BCAR3: variants seen among roughly 807,000 people sequenced by gnomAD.
BCAR3 encodes BCAR3 adaptor protein, NSP family member.
BCAR3 carries 37 observed loss-of-function variants against 80.1 expected under a neutral mutation model. The ratio of observed to expected loss-of-function variants is 0.46; its 90% CI spans 0.36 to 0.61. The LOEUF (loss-of-function observed/expected upper bound fraction) is 0.61, where lower values mean the gene tolerates loss of function less well. Ranked by LOEUF, BCAR3 falls within the 20% of genes least tolerant of loss-of-function variation. The pLI is 0.00. For missense variants in BCAR3, 978 were observed against 1,068.2 expected, an observed-to-expected ratio of 0.92 and a Z score of 1.18; for synonymous variants, 389 against 418.9, an observed-to-expected ratio of 0.93 and a Z score of 0.87.
In BCAR3 at chr1:93,576,082, C is replaced by A; in HGVS notation, c.1734G>T (p.Gly578=). The A allele has an allele frequency of 1.2e-6, 2 of 1,614,166 alleles. No individual in the cohort carries two copies. Among genetic ancestry groups the A allele is most frequent in the Non-Finnish European group, 1.7e-6 (2 of 1,180,030 alleles). ...TAATGAGTTCCAGGCCTGAGCTCAC[C>A]CCCATGTTCCTCCTCATCTCTTCAG... The part of the protein sequence containing the change: ...GVSEEMRRNM[G]VSSGLELITL... Residue 578 remains glycine, a synonymous_variant, in exon 8 of 12, where the codon GGG becomes GGT. Coordinates refer to ENST00000260502, the MANE Select transcript of BCAR3 (RefSeq NM_003567.4).
rs1261004824 is a variant in BCAR3 at position 93,681,803 on chromosome 1, C to G, written c.-217G>C. On this transcript the variant is annotated 5_prime_UTR_variant, in exon 1 of 12. Transcript: ENST00000260502. ...CGCAGCTCCGGCTCCGGTCCCGGCC[C>G]CGTCCCCCGCCCGGCCAGCAGCAGG... 6.6e-6 allele frequency: 1 copy of G among 152,142 alleles called. No individual in the cohort carries two copies. The highest frequency in any genetic ancestry group is 2.4e-5 in the African/African-American group (1 of 41,420). The allele number at this position is 152,142 out of a possible 1,614,324, so 9.4% of individuals were successfully genotyped here.
chr1:93,733,286 G>A (rs1463177614), intron 2 of BCAR3, among the ~76,000 whole-genome samples: 1 of 152,180 alleles, frequency 6.6e-6, no homozygotes, highest in Non-Finnish European at 1.5e-5. Context: ...AGAGTCACAG[G>A]AAAGATAAAG....
At chr1:93,819,255 G>A (rs1229236562) in intron 2 of BCAR3, among the ~76,000 whole-genome samples, 4 of 152,070 alleles carry the variant, frequency 2.6e-5, no homozygotes, top group Non-Finnish European at 4.4e-5. Flanking sequence ...TAGTAGAGAC[G>A]GGGTTTCACC....
chr1:93,626,862 T>G (rs770421521), intron 3 of BCAR3, among the ~76,000 whole-genome samples: 1 of 152,222 alleles, frequency 6.6e-6, no homozygotes, highest in South Asian at 2.1e-4. Context: ...AACTGTGCAA[T>G]TGAATTGTGG....
intron 2 of BCAR3, among the ~76,000 whole-genome samples, chr1:93,820,435 T>C (rs1261792093): frequency 1.3e-5 from 2 of 152,218 alleles, no homozygotes; most frequent in Non-Finnish European, 2.9e-5. Context: ...CAGCTATAAA[T>C]TGGGGGTTCC....
At chr1:93,713,267 G>A (rs899424232) in intron 2 of BCAR3, among the ~76,000 whole-genome samples, 1 of 152,202 alleles carries the variant, frequency 6.6e-6, no homozygotes, top group Non-Finnish European at 1.5e-5. Flanking sequence ...TAAGTGGCAG[G>A]AGGTAGTGAA....
At chr1:93,827,340 A>C (rs538989888) in intron 2 of BCAR3, among the ~76,000 whole-genome samples, 7 of 152,258 alleles carry the variant, frequency 4.6e-5, no homozygotes, top group Non-Finnish European at 1.0e-4. Flanking sequence ...AGATTTAGCA[A>C]AACAGGAGTG....
intron 2 of BCAR3, among the ~76,000 whole-genome samples, chr1:93,651,290 G>A (rs1676319566): frequency 6.6e-6 from 1 of 152,130 alleles, no homozygotes; most frequent in Non-Finnish European, 1.5e-5. Flanking sequence ...CCTCACTTAA[G>A]GAAGTACTTT....
intron 3 of BCAR3, among the ~76,000 whole-genome samples, chr1:93,616,434 G>A (rs534937824): frequency 1.3e-5 from 2 of 152,072 alleles, no homozygotes; most frequent in South Asian, 2.1e-4. Flanking sequence ...GCTTTTAAAC[G>A]CTGCCTATTT....
At chr1:93,847,313 C>A (rs1655251091), upstream of BCAR3, 1 of 167,722 alleles carries the variant, frequency 6.0e-6, no homozygotes, top group Non-Finnish European at 1.3e-5. Flanking sequence ...GTGAAGGGGA[C>A]CGGGTTGCGG....
At chr1:93,753,635 G>T (rs934528805) in intron 2 of BCAR3, 1 of 148,044 alleles carries the variant, frequency 6.8e-6, no homozygotes, top group Non-Finnish European at 1.5e-5. Context: ...CTTTAATGGG[G>T]AGCTCAACCC....
At chr1:93,731,311 T>C (rs1650780647) in intron 2 of BCAR3, among the ~76,000 whole-genome samples, 1 of 152,234 alleles carries the variant, frequency 6.6e-6, no homozygotes, top group Non-Finnish European at 1.5e-5. Context: ...GTTTCTTAAT[T>C]GTGACAAATA....
chr1:93,588,825 T>C (rs236319), intron 5 of BCAR3, 152 bp downstream of exon 5: 536,064 of 892,362 alleles, frequency 0.6, 162,928 homozygotes, highest in African/African-American at 0.67. Context: ...GGGAGCTAAT[T>C]GTTCACTGCC....
At position 93,582,523 on chromosome 1, in the gene BCAR3, T is replaced by C. The variant is rs745328827; in HGVS notation, c.1464A>G (p.Glu488=). The change falls in exon 7 of 12, where the codon GAA becomes GAG. Residue 488 remains glutamate, a synonymous_variant. Transcript: ENST00000260502. ...CCTTCTCCATCTGAGCTGCCGCAGG[T>C]TCCCAAGGTCTTTCCCTGTCATCAT... is the stretch of plus-strand genomic sequence containing the variant. ...LDDDDRERPW[E]PAAAQMEKGQ... 6.2e-7 allele frequency: 1 copy of C among 1,613,838 alleles called. No individual in the cohort carries two copies. Among genetic ancestry groups the C allele is most frequent in the East Asian group, 2.2e-5 (1 of 44,850 alleles).
intron 2 of BCAR3, among the ~76,000 whole-genome samples, chr1:93,819,654 G>A (rs2100816935): frequency 6.6e-6 from 1 of 152,266 alleles, no homozygotes; most frequent in East Asian, 1.9e-4. Flanking sequence ...GCAACTTACA[G>A]AGAAAATTCA....
chr1:93,666,738 C>T (rs1032941029), intron 2 of BCAR3, among the ~76,000 whole-genome samples: 3 of 152,152 alleles, frequency 2.0e-5, no homozygotes, highest in South Asian at 2.1e-4. Flanking sequence ...TGTATTAGTA[C>T]GATGGTATGC....
chr1:93,770,032 T>A (rs923141968), intron 2 of BCAR3, among the ~76,000 whole-genome samples: 11 of 152,150 alleles, frequency 7.2e-5, no homozygotes, highest in Non-Finnish European at 1.6e-4. Context: ...CTGGACTTTA[T>A]CCTGGGACAG....
intron 1 of BCAR3, among the ~76,000 whole-genome samples, chr1:93,679,986 T>C (rs1038789112): frequency 6.6e-6 from 1 of 152,240 alleles, no homozygotes; most frequent in Non-Finnish European, 1.5e-5. Context: ...CTTGGATCTG[T>C]AGTTTTATAA....
chr1:93,823,247 T>A (rs1654286060), intron 2 of BCAR3, among the ~76,000 whole-genome samples: 1 of 134,156 alleles, frequency 7.5e-6, no homozygotes, highest in African/African-American at 2.5e-5. Context: ...TCTTTATGAC[T>A]GTGCCAGCTG....
Sources: gnomAD v4.1 joint callset for allele counts (sites outside exome capture counted in the v4.1 genomes callset) on GRCh38, gnomAD v4.1.1 for gene constraint, MANE v1.5 for transcripts, NCBI Gene and HGNC (gene_info 2026-07-23, HGNC 2026-07-21) for gene names.